ACTMAP: variants seen among roughly 807,000 people sequenced by gnomAD.
The protein encoded by ACTMAP is actin maturation protease, also known as UPF0692 protein C19orf54.
At chr19:40,747,203 G>C in the ACTMAP span, among the ~76,000 whole-genome samples, 1 of 151,974 alleles carries the variant, frequency 6.6e-6, no homozygotes, top group Non-Finnish European at 1.5e-5. Flanking sequence ...CCTAGTTTAG[G>C]GTACCCTCCT....
the ACTMAP span, chr19:40,741,441 TA>T: frequency 0.026 from 5,096 of 199,746 alleles, 2 homozygotes; most frequent in South Asian, 0.057. Context: ...AGACTCCATC[TA>T]AAAAAAAAAA....
At chr19:40,744,418 A>T in the ACTMAP span, 1 of 1,440,572 alleles carries the variant, frequency 6.9e-7, no homozygotes, top group African/African-American at 1.4e-5. Context: ...TCCATCTTGT[A>T]ACCTCTCTGC....
At chr19:40,744,215 C>G in the ACTMAP span, 1 of 1,542,576 alleles carries the variant, frequency 6.5e-7, no homozygotes, top group Non-Finnish European at 8.8e-7. Flanking sequence ...TGAGAGCACA[C>G]AGAGGGGGCT....
At chr19:40,742,782 G>A in the ACTMAP span, 6 of 1,597,922 alleles carry the variant, frequency 3.8e-6, no homozygotes, top group South Asian at 5.6e-5. Context: ...TGGGGGAGAG[G>A]AGAAGGTGGT....
At chr19:40,749,792 T>G in the ACTMAP span, 27 of 1,456,476 alleles carry the variant, frequency 1.9e-5, no homozygotes, top group Admixed American at 4.1e-4. Flanking sequence ...GAGGAGAGCA[T>G]GGAGAAGTCA....
chr19:40,743,981 G>C, the ACTMAP span: 1 of 1,614,052 alleles, frequency 6.2e-7, no homozygotes, highest in Non-Finnish European at 8.5e-7. Flanking sequence ...CGTAGCTGGT[G>C]CTGGCATTAA....
the ACTMAP span, chr19:40,740,932 G>A: frequency 2.5e-6 from 1 of 398,632 alleles, no homozygotes; most frequent in African/African-American, 2.1e-5. Flanking sequence ...ACAGGATAAT[G>A]AGCAGTTTGG....
At chr19:40,744,801 C>T in the ACTMAP span, 14 of 1,398,234 alleles carry the variant, frequency 1.0e-5, no homozygotes, top group African/African-American at 4.4e-5. Context: ...CCCAGGCCAG[C>T]GAGGGAGACC....
At chr19:40,744,100 TG>T in the ACTMAP span, 1 of 1,613,844 alleles carries the variant, frequency 6.2e-7, no homozygotes, top group Non-Finnish European at 8.5e-7. Context: ...GACCAGGTGC[TG>T]CAGGACGAGG....
chr19:40,744,889 G>T, the ACTMAP span: 2 of 860,052 alleles, frequency 2.3e-6, no homozygotes, highest in Non-Finnish European at 3.5e-6. Context: ...GAGCTTCCTG[G>T]GAGGAGGAAC....
the ACTMAP span, chr19:40,749,645 G>C: frequency 1.9e-6 from 3 of 1,549,166 alleles, no homozygotes; most frequent in Non-Finnish European, 2.6e-6. Context: ...GGAGCGGTGG[G>C]GGAACAGGGG....
chr19:40,744,252 A>G, the ACTMAP span: 10 of 1,487,670 alleles, frequency 6.7e-6, no homozygotes, highest in African/African-American at 1.1e-4. Context: ...CACCGTGCTG[A>G]GGGCTCACAG....
At chr19:40,744,820 C>T in the ACTMAP span, 5 of 1,319,894 alleles carry the variant, frequency 3.8e-6, no homozygotes, top group South Asian at 4.6e-5. Context: ...CCTGACTCCC[C>T]TTCAGGGGAG....
At chr19:40,746,298 C>T in the ACTMAP span, among the ~76,000 whole-genome samples, 1 of 152,074 alleles carries the variant, frequency 6.6e-6, no homozygotes, top group East Asian at 1.9e-4. Context: ...TGGCTCACCA[C>T]AACCTCCGCC....
chr19:40,744,005 G>C, the ACTMAP span: 2 of 1,614,020 alleles, frequency 1.2e-6, no homozygotes, highest in East Asian at 4.5e-5. Context: ...AAAAACGATG[G>C]TGTGGCCCTG....
the ACTMAP span, chr19:40,744,729 C>T: frequency 6.4e-7 from 1 of 1,555,594 alleles, no homozygotes; most frequent in African/African-American, 1.4e-5. Context: ...TCACAGCCCC[C>T]TTACCTGGAA....
chr19:40,744,125 C>A, the ACTMAP span: 2 of 1,613,006 alleles, frequency 1.2e-6, no homozygotes, highest in Non-Finnish European at 1.7e-6. Flanking sequence ...CTGTTGGGAC[C>A]GCCCAGGCCA....
the ACTMAP span, among the ~76,000 whole-genome samples, chr19:40,743,513 G>A: frequency 1.3e-5 from 2 of 152,118 alleles, no homozygotes; most frequent in South Asian, 2.1e-4. Context: ...GATTACAGGC[G>A]TGAGCCACCG....
the ACTMAP span, chr19:40,749,880 G>A: frequency 8.6e-7 from 1 of 1,166,914 alleles, no homozygotes; most frequent in Non-Finnish European, 1.2e-6. Context: ...CGGTCTCAGG[G>A]ATGGAGATTT....
Sources: allele counts gnomAD v4.1 joint callset (sites outside exome capture counted in the v4.1 genomes callset), GRCh38; gene constraint gnomAD v4.1.1; transcripts MANE v1.5; gene names NCBI Gene and HGNC (gene_info 2026-07-23, HGNC 2026-07-21).